The following ANXA8 variants were observed in gnomAD, a reference collection of about 807,000 sequenced individuals.
The protein encoded by ANXA8 is annexin A8.
In ANXA8, 9 loss-of-function variants were observed where a neutral mutation model predicts 26.8. That is an observed-to-expected ratio of 0.34 (90% CI 0.20 to 0.59). ANXA8 has a LOEUF of 0.59. Ranked by LOEUF, ANXA8 falls within the 20% of genes least tolerant of loss-of-function variation. The pLI is 0.84. For synonymous variants in ANXA8, 39 were observed against 94.8 expected (o/e 0.41, Z 3.42); for missense variants, 83 against 238.5 (o/e 0.35, Z 4.29).
At chr10:47,952,626 T>C in the ANXA8 span, among the ~76,000 whole-genome samples, 1 of 146,740 alleles carries the variant, frequency 6.8e-6, no homozygotes, top group Admixed American at 6.7e-5. Flanking sequence ...TGATTTTTGG[T>C]TGAAATTGAC....
upstream of ANXA8, chr10:47,484,302 T>C: frequency 1.6e-6 from 1 of 641,680 alleles, no homozygotes; most frequent in Non-Finnish European, 2.9e-6. Context: ...TAGGCTGGTC[T>C]CAAACTCCCG....
the ANXA8 span, among the ~76,000 whole-genome samples, chr10:47,743,374 A>G: frequency 7.7e-4 from 29 of 37,870 alleles, no homozygotes; most frequent in Admixed American, 1.3e-3. Context: ...ATATATACAT[A>G]TATATGTGTG....
At chr10:47,549,551 A>G in the ANXA8 span, among the ~76,000 whole-genome samples, 1 of 149,416 alleles carries the variant, frequency 6.7e-6, no homozygotes, top group African/African-American at 2.5e-5. Flanking sequence ...AATAAATTCC[A>G]TCCTGTTTTT....
chr10:47,595,021 G>A, the ANXA8 span, among the ~76,000 whole-genome samples: 1 of 149,020 alleles, frequency 6.7e-6, no homozygotes, highest in Non-Finnish European at 1.5e-5. Context: ...CTAGAGAAAA[G>A]AGCAACACTA....
the ANXA8 span, among the ~76,000 whole-genome samples, chr10:47,724,462 A>G: frequency 1.4e-5 from 2 of 140,746 alleles, 1 homozygote; most frequent in Non-Finnish European, 3.1e-5. Context: ...GCCTTCTTTC[A>G]GTTCTTCAGA....
chr10:47,733,169 C>G, the ANXA8 span, among the ~76,000 whole-genome samples: 1 of 101,218 alleles, frequency 9.9e-6, no homozygotes, highest in Non-Finnish European at 2.3e-5. Context: ...TTCTTTCTTT[C>G]TTTCTTTCTT....
chr10:47,651,995 CA>C, the ANXA8 span, among the ~76,000 whole-genome samples: 2 of 150,812 alleles, frequency 1.3e-5, no homozygotes, highest in African/African-American at 4.9e-5. Context: ...ATTCATGCTG[CA>C]ACATGGATAA....
chr10:47,664,685 A>G, the ANXA8 span, among the ~76,000 whole-genome samples: 3 of 150,400 alleles, frequency 2.0e-5, no homozygotes, highest in African/African-American at 7.4e-5. Context: ...GGAATATCTA[A>G]ATACAGGTAG....
the ANXA8 span, among the ~76,000 whole-genome samples, chr10:47,767,430 G>A: frequency 6.6e-6 from 1 of 152,274 alleles, no homozygotes; most frequent in Non-Finnish European, 1.5e-5. Flanking sequence ...GTGGGCTTGG[G>A]CCTGTGGCTC....
At chr10:47,989,373 C>T in the ANXA8 span, among the ~76,000 whole-genome samples, 2 of 116,172 alleles carry the variant, frequency 1.7e-5, no homozygotes, top group Admixed American at 8.7e-5. Context: ...GCTGTGTAAC[C>T]GCATCCCTGA....
At chr10:47,738,643 C>T in the ANXA8 span, among the ~76,000 whole-genome samples, 4 of 151,070 alleles carry the variant, frequency 2.6e-5, no homozygotes, top group Non-Finnish European at 5.9e-5. Context: ...GTGGTATGAT[C>T]TCAGCTCACT....
the ANXA8 span, among the ~76,000 whole-genome samples, chr10:47,743,245 C>T: frequency 1.1e-5 from 1 of 94,654 alleles, no homozygotes; most frequent in Non-Finnish European, 2.1e-5. Context: ...CAACAGGCTT[C>T]ATATATATAT....
chr10:47,683,813 GA>G, the ANXA8 span, among the ~76,000 whole-genome samples: 2 of 150,846 alleles, frequency 1.3e-5, no homozygotes, highest in African/African-American at 4.9e-5. Flanking sequence ...GCAACTTTAT[GA>G]TTTTTTTGGT....
At chr10:47,513,340 CT>C in the ANXA8 span, among the ~76,000 whole-genome samples, 1 of 142,330 alleles carries the variant, frequency 7.0e-6, no homozygotes, top group Non-Finnish European at 1.5e-5. Flanking sequence ...GCCCGATTAT[CT>C]TTTTGATATG....
chr10:47,628,485 C>G, the ANXA8 span, among the ~76,000 whole-genome samples: 1 of 150,938 alleles, frequency 6.6e-6, no homozygotes, highest in Admixed American at 6.6e-5. Context: ...TGTTTGAATT[C>G]TATTTAAAAT....
the ANXA8 span, among the ~76,000 whole-genome samples, chr10:47,743,251 T>TATATATATACACATATATATATATACAC: frequency 3.3e-5 from 4 of 121,296 alleles, no homozygotes; most frequent in Admixed American, 9.2e-5. Context: ...GCTTCATATA[T>TATATATATACACATATATATATATACAC]ATATATATAT....
the ANXA8 span, among the ~76,000 whole-genome samples, chr10:47,695,994 G>A: frequency 1.3e-5 from 2 of 151,726 alleles, no homozygotes; most frequent in Admixed American, 6.6e-5. Context: ...TATATTTATA[G>A]TAGAAGGGAC....
chr10:47,567,123 A>T, the ANXA8 span, among the ~76,000 whole-genome samples: 1 of 117,140 alleles, frequency 8.5e-6, no homozygotes, highest in African/African-American at 3.9e-5. Flanking sequence ...CAGGGAGTTC[A>T]GGCGCCAGCC....
chr10:47,686,779 G>A, the ANXA8 span, among the ~76,000 whole-genome samples: 6 of 151,902 alleles, frequency 3.9e-5, no homozygotes, highest in East Asian at 1.9e-4. Flanking sequence ...GGTACTAAAA[G>A]TATTGAAAAC....
Sources: allele counts gnomAD v4.1 joint callset (sites outside exome capture counted in the v4.1 genomes callset), GRCh38; gene constraint gnomAD v4.1.1; transcripts MANE v1.5; gene names NCBI Gene and HGNC (gene_info 2026-07-23, HGNC 2026-07-21).